Variants in FCRL5 observed in about 807,000 individuals in gnomAD.
FCRL5 encodes the protein Fc receptor like 5.
In FCRL5, 79 loss-of-function variants were observed where a neutral mutation model predicts 92.1. That is an observed-to-expected ratio of 0.86 (90% CI 0.72 to 1.03). The LOEUF is 1.03. Ranked by LOEUF, FCRL5 falls within the 50% of genes least tolerant of loss-of-function variation. The pLI is 0.00. For missense variants in FCRL5, 1,160 were observed against 1,181.1 expected (o/e 0.98, Z 0.26); for synonymous variants, 466 against 469.3 (o/e 0.99, Z 0.09).
In FCRL5 at chr1:157,520,999, C is replaced by CG; in HGVS notation, c.2515+17dup. 1.3e-6 allele frequency: 2 copies of CG among 1,584,034 alleles called. No homozygotes were observed. The highest frequency in any genetic ancestry group is 1.7e-6 in the Non-Finnish European group (2 of 1,165,534). On this transcript the variant is annotated intron_variant, in intron 11 of 16. Transcript: ENST00000361835. ...AAACATTTTGTCCGCATCTGTGGCCCGGGCACGGGAAACTTACCTGTGATA... is the reference window on the plus strand; with the variant it reads ...AAACATTTTGTCCGCATCTGTGGCCCGGGGCACGGGAAACTTACCTGTGATA...
intron 2 of FCRL5, 66 bp from the exon 3 acceptor site, chr1:157,547,263 G>T: frequency 1.3e-6 from 2 of 1,591,626 alleles, no homozygotes; most frequent in Non-Finnish European, 1.7e-6. Flanking sequence ...AGGGCCTCCT[G>T]CTGCATAGCC....
intron 6 of FCRL5, among the ~76,000 whole-genome samples, chr1:157,539,589 A>C (rs1301899396): frequency 6.6e-6 from 1 of 152,204 alleles, no homozygotes; most frequent in South Asian, 2.1e-4. Context: ...CTGAAATATT[A>C]TTTGTGGGCC....
At chr1:157,526,733 C>G (rs896391831) in intron 9 of FCRL5, among the ~76,000 whole-genome samples, 7 of 151,932 alleles carry the variant, frequency 4.6e-5, no homozygotes, top group African/African-American at 1.7e-4. Flanking sequence ...GGGTTATTGT[C>G]TAGTGGAGTA....
chr1:157,539,117 C>G lies in FCRL5; in HGVS notation c.1371G>C (p.Gln457His). The change falls in exon 7 of 17, where the codon CAG (glutamine) becomes CAC (histidine). Residue 457 changes from glutamine to histidine, a missense_variant. Physicochemically the swap from Gln to His is conservative, Grantham distance 24. Coordinates refer to ENST00000361835, the MANE Select transcript of FCRL5 (RefSeq NM_031281.3). ...YCTADNGFGPQRSKAVSLSVT... is the reference protein window; with the variant it reads ...YCTADNGFGPHRSKAVSLSVT... ...CGGAGAGGCTCACCGCCTTACTGCG[C>G]TGGGGGCCAAAGCCATTGTCAGCTG... 1 of 1,614,054 alleles carries G rather than the reference C, an allele frequency of 6.2e-7. No individual in the cohort carries two copies. Among genetic ancestry groups the G allele is most frequent in the Non-Finnish European group, 8.5e-7 (1 of 1,179,982 alleles).
At chr1:157,542,739 C>T in intron 6 of FCRL5, 120 bp downstream of exon 6, 1 of 1,208,032 alleles carries the variant, frequency 8.3e-7, no homozygotes, top group South Asian at 1.5e-5. Flanking sequence ...TGGAGGAGGA[C>T]ATTAGGTTTT....
chr1:157,547,319 G>GT, intron 2 of FCRL5, 122 bp from the exon 3 acceptor site: 1 of 1,287,086 alleles, frequency 7.8e-7, no homozygotes, highest in African/African-American at 1.5e-5. Context: ...CTCTGGGAGG[G>GT]TCACTGATAG....
chr1:157,525,597 G>A (rs922501448), intron 9 of FCRL5, among the ~76,000 whole-genome samples: 4 of 152,208 alleles, frequency 2.6e-5, no homozygotes, highest in Admixed American at 2.6e-4. Flanking sequence ...GAAATGGACT[G>A]TGGTGGAATG....
chr1:157,547,713 A>G (rs1186106642), intron 2 of FCRL5, among the ~76,000 whole-genome samples: 1 of 152,216 alleles, frequency 6.6e-6, no homozygotes, highest in East Asian at 1.9e-4. Context: ...TGGCAGAGCA[A>G]GGAAGGGACA....
chr1:157,552,268 C>A (rs1005884894), intron 1 of FCRL5, 64 bp downstream of exon 1: 4 of 1,516,314 alleles, frequency 2.6e-6, no homozygotes, highest in Non-Finnish European at 3.7e-6. Context: ...AAGGACCAGG[C>A]CTGCGGTGGA....
At chr1:157,516,616 T>C (rs1347441492) in intron 15 of FCRL5, among the ~76,000 whole-genome samples, 1 of 152,230 alleles carries the variant, frequency 6.6e-6, no homozygotes, top group Non-Finnish European at 1.5e-5. Context: ...ATCGCACTTA[T>C]AGAACTATAC....
intron 2 of FCRL5, among the ~76,000 whole-genome samples, chr1:157,547,551 T>A (rs1335702911): frequency 6.6e-6 from 1 of 152,256 alleles, no homozygotes; most frequent in Non-Finnish European, 1.5e-5. Flanking sequence ...AAAGGTTATG[T>A]TAAAATCACA....
At chr1:157,516,257 C>G (rs1036949801) in intron 15 of FCRL5, among the ~76,000 whole-genome samples, 1 of 152,222 alleles carries the variant, frequency 6.6e-6, no homozygotes, top group Non-Finnish European at 1.5e-5. Context: ...GAAACTGAGC[C>G]TGCCGCCTGT....
At position 157,527,031 on chromosome 1, in the gene FCRL5, A is replaced by G. The variant is rs554722796; in HGVS notation, c.1960+586T>C. Among the ~76,000 whole-genome samples the G allele has an allele frequency of 2.0e-5, 3 of 152,294 alleles. No individual in the cohort carries two copies. The South Asian group carries it at 6.2e-4, about 32-fold the overall frequency. On this transcript the variant is annotated intron_variant, in intron 9 of 16. Transcript: ENST00000361835. ...CTGAAAGTACAGTGCCAAAGCCTTC[A>G]CTGAGAGTGGGCATAACTAGGAGTC...
At chr1:157,531,093 A>C (rs1650676576) in intron 8 of FCRL5, among the ~76,000 whole-genome samples, 1 of 152,232 alleles carries the variant, frequency 6.6e-6, no homozygotes, top group Admixed American at 6.5e-5. Flanking sequence ...ACAAGGTGTT[A>C]ACATCCAGAA....
chr1:157,539,559 C>T (rs767367486), intron 6 of FCRL5, among the ~76,000 whole-genome samples, 195 bp from the exon 7 acceptor site: 2 of 152,216 alleles, frequency 1.3e-5, no homozygotes, highest in Non-Finnish European at 2.9e-5. Flanking sequence ...AAGCTACATA[C>T]CTCCCTCAAA....
intron 2 of FCRL5, among the ~76,000 whole-genome samples, chr1:157,548,905 T>C (rs1388626956): frequency 1.3e-5 from 2 of 152,108 alleles, no homozygotes; most frequent in African/African-American, 4.8e-5. Flanking sequence ...GAAGCAGAAA[T>C]ACCATTTGAC....
At chr1:157,524,208 C>A in intron 10 of FCRL5, 71 bp downstream of exon 10, 1 of 1,557,326 alleles carries the variant, frequency 6.4e-7, no homozygotes, top group Admixed American at 1.7e-5. Flanking sequence ...TCTGTGGCTC[C>A]ATTTTCAGCT....
At chr1:157,524,226 G>A in intron 10 of FCRL5, 53 bp downstream of exon 10, 1 of 1,596,316 alleles carries the variant, frequency 6.3e-7, no homozygotes, top group Non-Finnish European at 8.6e-7. Context: ...GCTGCAGGGA[G>A]AACAGGCACA....
intron 12 of FCRL5, 66 bp downstream of exon 12, chr1:157,520,365 G>A: frequency 8.7e-7 from 1 of 1,150,288 alleles, no homozygotes; most frequent in East Asian, 2.5e-5. Flanking sequence ...AAGGCAGCAT[G>A]AAGCCCAAGG....
Sources: gnomAD v4.1 joint callset for allele counts (sites outside exome capture counted in the v4.1 genomes callset) on GRCh38, gnomAD v4.1.1 for gene constraint, MANE v1.5 for transcripts, NCBI Gene and HGNC (gene_info 2026-07-23, HGNC 2026-07-21) for gene names.